The following CNTNAP2 variants were observed in gnomAD, a reference collection of about 807,000 sequenced individuals.
CNTNAP2 encodes the protein contactin-associated protein-like 2.
A neutral mutation model predicts 155.2 loss-of-function variants in CNTNAP2; 98 were observed. That is an observed-to-expected ratio of 0.63 (90% CI 0.54 to 0.75). The LOEUF is 0.75. Among genes scored for constraint, CNTNAP2 ranks in the 30% least tolerant of loss-of-function variants. The pLI is 0.00. For synonymous variants in CNTNAP2, 651 were observed against 631.2 expected, an observed-to-expected ratio of 1.03 and a Z score of -0.47; for missense variants, 1,727 against 1,688.1, an observed-to-expected ratio of 1.02 and a Z score of -0.40.
intron 15 of CNTNAP2, among the ~76,000 whole-genome samples, chr7:148,052,731 C>T (rs1351741832): frequency 6.6e-6 from 1 of 152,102 alleles, no homozygotes; most frequent in Non-Finnish European, 1.5e-5. Flanking sequence ...TTAAGTTTAG[C>T]CGTATAACAG....
intron 23 of CNTNAP2, among the ~76,000 whole-genome samples, chr7:148,413,114 A>G (rs10480404): frequency 0.58 from 88,133 of 151,094 alleles, 26,366 homozygotes; most frequent in African/African-American, 0.67. Flanking sequence ...TATTGTGGCC[A>G]GGCGTAGCAG....
At chr7:148,129,818 T>A (rs1804790789) in intron 16 of CNTNAP2, among the ~76,000 whole-genome samples, 1 of 152,244 alleles carries the variant, frequency 6.6e-6, no homozygotes, top group Non-Finnish European at 1.5e-5. Flanking sequence ...AGCCATCCAG[T>A]GTGGCTTACC....
At chr7:147,557,344 A>G (rs939606246) in intron 11 of CNTNAP2, among the ~76,000 whole-genome samples, 5 of 152,196 alleles carry the variant, frequency 3.3e-5, no homozygotes, top group African/African-American at 1.2e-4. Context: ...TATGTTCAGT[A>G]GTAATATTTC....
chr7:146,450,934 A>ATTT (rs1796469732), intron 1 of CNTNAP2, among the ~76,000 whole-genome samples: 1 of 108,396 alleles, frequency 9.2e-6, no homozygotes, highest in African/African-American at 4.8e-5. Context: ...TCATAGTAAA[A>ATTT]ATATTTATTT....
intron 1 of CNTNAP2, among the ~76,000 whole-genome samples, chr7:146,710,969 G>T (rs1280419166): frequency 1.3e-5 from 2 of 151,958 alleles, no homozygotes; most frequent in African/African-American, 4.8e-5. Flanking sequence ...CACCTGCCTG[G>T]TTCACTGGGT....
At chr7:146,848,736 T>C (rs1794810102) in intron 3 of CNTNAP2, among the ~76,000 whole-genome samples, 1 of 152,178 alleles carries the variant, frequency 6.6e-6, no homozygotes. Context: ...ACTGCGTTTT[T>C]CCTGACTTTC....
chr7:147,852,117 A>G lies in CNTNAP2; in HGVS notation c.2099-51448A>G, dbSNP rs138916098. Among the ~76,000 whole-genome samples, 7 of 152,290 alleles carry G rather than the reference A, an allele frequency of 4.6e-5. No homozygotes were observed. The East Asian group carries it at 1.2e-3, about 25-fold the overall frequency. ...AACTCCAGTGTGAAGAGAGGTATGC[A>G]CAACCTCACGGTCCTCAGGTTGTTA... On this transcript the variant is annotated intron_variant, in intron 13 of 23. Coordinates refer to ENST00000361727, the MANE Select transcript of CNTNAP2 (RefSeq NM_014141.6).
chr7:147,900,077 C>T (rs1439052405), intron 13 of CNTNAP2, among the ~76,000 whole-genome samples: 7 of 152,096 alleles, frequency 4.6e-5, no homozygotes, highest in Admixed American at 4.6e-4. Context: ...CTCTTAGTTC[C>T]CCATCTTAAT....
At chr7:148,289,111 C>T (rs1355929681) in intron 21 of CNTNAP2, among the ~76,000 whole-genome samples, 1 of 152,130 alleles carries the variant, frequency 6.6e-6, no homozygotes, top group Non-Finnish European at 1.5e-5. Context: ...GCACCAGGCA[C>T]TCTAATAGGA....
intron 1 of CNTNAP2, among the ~76,000 whole-genome samples, chr7:146,200,171 C>T (rs1214954133): frequency 6.6e-6 from 1 of 152,110 alleles, no homozygotes; most frequent in African/African-American, 2.4e-5. Context: ...CAGTGATGGA[C>T]CACTTCCACA....
intron 1 of CNTNAP2, among the ~76,000 whole-genome samples, chr7:146,241,390 C>T (rs949781053): frequency 1.4e-4 from 22 of 152,160 alleles, no homozygotes; most frequent in African/African-American, 5.1e-4. Context: ...TAGGCCATCA[C>T]ATAAAAATAA....
intron 11 of CNTNAP2, among the ~76,000 whole-genome samples, chr7:147,495,539 T>A (rs1009248684): frequency 9.2e-5 from 14 of 152,228 alleles, no homozygotes; most frequent in Non-Finnish European, 2.1e-4. Context: ...TCAGATGATT[T>A]GTAAAATGTC....
chr7:147,341,533 T>A (rs1169254695), intron 9 of CNTNAP2, among the ~76,000 whole-genome samples: 2 of 152,102 alleles, frequency 1.3e-5, no homozygotes, highest in Non-Finnish European at 2.9e-5. Flanking sequence ...TTGAACTTCT[T>A]ATGAACTTTT....
chr7:148,357,791 G>A (rs1042916991), intron 21 of CNTNAP2, among the ~76,000 whole-genome samples: 2 of 152,214 alleles, frequency 1.3e-5, no homozygotes, highest in African/African-American at 2.4e-5. Flanking sequence ...CACATAGGAA[G>A]TGTGACTTAA....
At chr7:147,604,789 GA>G (rs1211709829) in intron 12 of CNTNAP2, among the ~76,000 whole-genome samples, 1 of 152,160 alleles carries the variant, frequency 6.6e-6, no homozygotes, top group African/African-American at 2.4e-5. Context: ...TTATGTTGTG[GA>G]GAGCAACACA....
intron 10 of CNTNAP2, among the ~76,000 whole-genome samples, chr7:147,413,201 A>G (rs1471122718): frequency 6.6e-6 from 1 of 152,224 alleles, no homozygotes; most frequent in Middle Eastern, 3.2e-3. Flanking sequence ...TTGCCAGTGA[A>G]TTGAGTAAGA....
intron 12 of CNTNAP2, among the ~76,000 whole-genome samples, chr7:147,568,139 T>G (rs547467906): frequency 2.0e-5 from 3 of 151,692 alleles, no homozygotes; most frequent in Non-Finnish European, 4.4e-5. Context: ...TTCTTGTAAA[T>G]AAAGTTCAGT....
chr7:148,063,216 T>C (rs907041536), intron 15 of CNTNAP2, among the ~76,000 whole-genome samples: 5 of 152,116 alleles, frequency 3.3e-5, no homozygotes, highest in African/African-American at 9.6e-5. Flanking sequence ...AAATCTGTCA[T>C]TGATATGTTT....
intron 13 of CNTNAP2, among the ~76,000 whole-genome samples, chr7:147,878,057 G>T (rs1376710605): frequency 1.3e-5 from 2 of 151,994 alleles, no homozygotes; most frequent in African/African-American, 2.4e-5. Flanking sequence ...TGAGTATGCT[G>T]ATGGTTTTTG....
Sources: gnomAD v4.1 joint callset for allele counts (sites outside exome capture counted in the v4.1 genomes callset) on GRCh38, gnomAD v4.1.1 for gene constraint, MANE v1.5 for transcripts, NCBI Gene and HGNC (gene_info 2026-07-23, HGNC 2026-07-21) for gene names.